Variants in SLC5A4 observed in about 807,000 individuals in gnomAD.
The protein encoded by SLC5A4 is solute carrier family 5 member 4.
Under a neutral mutation model 70.3 loss-of-function variants are expected in SLC5A4, and 55 were observed. The ratio of observed to expected loss-of-function variants is 0.78; its 90% CI spans 0.63 to 0.98. SLC5A4 has a LOEUF of 0.98. SLC5A4 is among the 50% of genes least tolerant of loss of function. SLC5A4 has a pLI of 0.00. For synonymous variants in SLC5A4, 268 were observed against 305.7 expected, an observed-to-expected ratio of 0.88 and a Z score of 1.29; for missense variants, 735 against 839.2, an observed-to-expected ratio of 0.88 and a Z score of 1.53.
At chr22:32,334,155 C>CCATGCCACACAGACATCACA in the SLC5A4 span, among the ~76,000 whole-genome samples, 1 of 151,484 alleles carries the variant, frequency 6.6e-6, no homozygotes, top group Non-Finnish European at 1.5e-5. Context: ...CACACACACC[C>CCATGCCACACAGACATCACA]CATGCCACAC....
At chr22:32,320,604 T>C in the SLC5A4 span, among the ~76,000 whole-genome samples, 1 of 152,222 alleles carries the variant, frequency 6.6e-6, no homozygotes, top group African/African-American at 2.4e-5. Flanking sequence ...AGATTCATGA[T>C]TTGTGGCATT....
Position 32,229,333 on chromosome 22 carries a change from G to A in SLC5A4, c.1141C>T (p.Leu381=). The A allele has an allele frequency of 6.2e-7, 1 of 1,614,170 alleles. No homozygotes were observed. ...GAGGCCAGCATGACCGAAAGCATCA[G>A]GCCTCGCAGTCCTGGAGCCGGGAAA... ...LELMPQGLRG[L]MLSVMLASLM... Residue 381 remains leucine (L), a synonymous_variant, in exon 11 of 15, where the codon CTG becomes TTG. Transcript: ENST00000266086.
the SLC5A4 span, among the ~76,000 whole-genome samples, chr22:32,331,912 A>G: frequency 3.3e-5 from 5 of 151,668 alleles, no homozygotes; most frequent in Admixed American, 2.0e-4. Flanking sequence ...CAAACTCAAG[A>G]CACTCCATGC....
At chr22:32,350,498 T>C in the SLC5A4 span, among the ~76,000 whole-genome samples, 1 of 152,210 alleles carries the variant, frequency 6.6e-6, no homozygotes, top group Admixed American at 6.5e-5. Flanking sequence ...TCTACCCCTA[T>C]ATATCTCAAA....
rs374348399 is a variant in SLC5A4 at position 32,229,145 on chromosome 22, C to T, written c.1280+49G>A. 59 of 1,570,638 alleles carry T rather than the reference C, an allele frequency of 3.8e-5. No individual in the cohort carries two copies. In the South Asian group the frequency reaches 5.0e-4, roughly 13 times the overall value. On this transcript the variant is annotated intron_variant, in intron 11 of 14. Transcript: ENST00000266086. Reference sequence around the variant, plus strand: ...ACAAGGGAACTCTAGTTCACTTCTACGTCTGTACTTCTCCAGAGGATTCTA... The same window carrying T: ...ACAAGGGAACTCTAGTTCACTTCTATGTCTGTACTTCTCCAGAGGATTCTA...
the SLC5A4 span, among the ~76,000 whole-genome samples, chr22:32,323,714 G>A: frequency 6.6e-6 from 1 of 152,208 alleles, no homozygotes; most frequent in Non-Finnish European, 1.5e-5. Context: ...CCCCAGGAAT[G>A]GTAAGCTCAC....
the SLC5A4 span, among the ~76,000 whole-genome samples, chr22:32,344,297 T>C: frequency 2.6e-5 from 4 of 152,208 alleles, no homozygotes; most frequent in Non-Finnish European, 5.9e-5. Context: ...AGTTTCCAGA[T>C]AGCATTACTG....
intron 2 of SLC5A4, among the ~76,000 whole-genome samples, chr22:32,253,702 G>A (rs1204862275): frequency 6.6e-6 from 1 of 152,176 alleles, no homozygotes; most frequent in Admixed American, 6.5e-5. Flanking sequence ...CCATGAAGTC[G>A]GGGATTTAGG....
chr22:32,242,827 T>C (rs1926616590), intron 5 of SLC5A4, among the ~76,000 whole-genome samples: 1 of 152,236 alleles, frequency 6.6e-6, no homozygotes, highest in Admixed American at 6.5e-5. Flanking sequence ...CTGCCCTCAG[T>C]AGCCTGCTGA....
chr22:32,289,164 T>G, the SLC5A4 span, among the ~76,000 whole-genome samples: 1 of 152,198 alleles, frequency 6.6e-6, no homozygotes, highest in Non-Finnish European at 1.5e-5. Context: ...TGCCTAGCTG[T>G]TTTTATCTTG....
At chr22:32,312,102 C>A in the SLC5A4 span, among the ~76,000 whole-genome samples, 1 of 152,084 alleles carries the variant, frequency 6.6e-6, no homozygotes, top group Non-Finnish European at 1.5e-5. Context: ...CTGTGGTCAG[C>A]CTGAGATGCG....
At chr22:32,221,139 A>C in intron 13 of SLC5A4, 117 bp from the exon 14 acceptor site, 1 of 585,500 alleles carries the variant, frequency 1.7e-6, no homozygotes, top group Admixed American at 2.9e-5. Flanking sequence ...ATACAGGAGA[A>C]TATAGATCAC....
chr22:32,233,009 C>A lies in SLC5A4; in HGVS notation c.911G>T (p.Gly304Val). Residue 304 changes from glycine to valine, a missense_variant, in exon 9 of 15, where the codon GGC becomes GTC. Physicochemically the swap from Gly to Val is moderately radical, Grantham distance 109. Coordinates refer to ENST00000266086, the MANE Select transcript of SLC5A4 (RefSeq NM_014227.3). ...GGCCTTCACGTGAGACATGTCCTTG[C>A]CACACAGGCAGCGCTGCACAATGAC... ...NQVIVQRCLC[G>V]KDMSHVKAAC... 4 of 1,614,018 alleles carry A rather than the reference C, an allele frequency of 2.5e-6. No individual in the cohort carries two copies. The highest frequency in any genetic ancestry group is 1.1e-5 in the South Asian group (1 of 91,068).
chr22:32,341,663 A>G, the SLC5A4 span, among the ~76,000 whole-genome samples: 1 of 152,160 alleles, frequency 6.6e-6, no homozygotes, highest in Non-Finnish European at 1.5e-5. Context: ...TTCTTGCCAC[A>G]ACTGAGTAAT....
At chr22:32,238,375 G>A (rs981834886) in intron 6 of SLC5A4, among the ~76,000 whole-genome samples, 15 of 152,144 alleles carry the variant, frequency 9.9e-5, no homozygotes, top group Non-Finnish European at 1.5e-4. Context: ...TCAAATGCAC[G>A]AAAATGGCCC....
chr22:32,272,250 C>T, the SLC5A4 span: 2 of 790,006 alleles, frequency 2.5e-6, no homozygotes, highest in South Asian at 1.4e-5. Flanking sequence ...GGTGCCCGAG[C>T]CCAGCCAGCC....
chr22:32,249,854 T>A (rs1927039229), intron 3 of SLC5A4, among the ~76,000 whole-genome samples: 1 of 152,224 alleles, frequency 6.6e-6, no homozygotes, highest in Non-Finnish European at 1.5e-5. Flanking sequence ...TGGCTTTGAA[T>A]GTGGCCCAAC....
the SLC5A4 span, among the ~76,000 whole-genome samples, chr22:32,331,132 G>A: frequency 5.2e-5 from 5 of 96,976 alleles, no homozygotes; most frequent in African/African-American, 1.7e-4. Flanking sequence ...AGGCTCTGGT[G>A]TGTCTGTGTG....
the SLC5A4 span, among the ~76,000 whole-genome samples, chr22:32,285,994 C>T: frequency 6.6e-5 from 10 of 152,280 alleles, no homozygotes; most frequent in African/African-American, 2.2e-4. Flanking sequence ...CCTCGGCCTC[C>T]CAAAGTGCTG....
Sources: allele counts gnomAD v4.1 joint callset (sites outside exome capture counted in the v4.1 genomes callset), GRCh38; gene constraint gnomAD v4.1.1; transcripts MANE v1.5; gene names NCBI Gene and HGNC (gene_info 2026-07-23, HGNC 2026-07-21).